Variants in ZBTB7C observed in about 807,000 individuals in gnomAD.
ZBTB7C encodes the protein zinc finger and BTB domain containing 7C.
ZBTB7C carries 8 observed loss-of-function variants against 25.7 expected under a neutral mutation model. The observed-to-expected ratio is 0.31, with a 90% CI of 0.18 to 0.56. The LOEUF (loss-of-function observed/expected upper bound fraction) is 0.56, where lower values mean the gene tolerates loss of function less well. Among genes scored for constraint, ZBTB7C ranks in the 20% least tolerant of loss-of-function variants. The pLI is 0.91. For synonymous variants in ZBTB7C, 394 were observed against 369.0 expected, an observed-to-expected ratio of 1.07 and a Z score of -0.78; for missense variants, 824 against 855.2, an observed-to-expected ratio of 0.96 and a Z score of 0.46.
chr18:48,181,436 C>A (rs988825216), intron 3 of ZBTB7C, among the ~76,000 whole-genome samples: 19 of 152,186 alleles, frequency 1.2e-4, no homozygotes, highest in African/African-American at 4.3e-4. Context: ...ATCAAAGGTA[C>A]AGCCACTATC....
chr18:48,282,928 A>C (rs1320905227), intron 2 of ZBTB7C, among the ~76,000 whole-genome samples: 1 of 152,228 alleles, frequency 6.6e-6, no homozygotes, highest in African/African-American at 2.4e-5. Context: ...TTTAGATGCT[A>C]GGCTCATGAG....
chr18:48,043,640 G>A (rs1253294012), intron 3 of ZBTB7C, among the ~76,000 whole-genome samples: 1 of 152,178 alleles, frequency 6.6e-6, no homozygotes, highest in Non-Finnish European at 1.5e-5. Context: ...AGGGATACTT[G>A]TGATGGAAAT....
intron 3 of ZBTB7C, among the ~76,000 whole-genome samples, chr18:48,113,852 CA>C (rs748202372): frequency 1.3e-5 from 2 of 152,244 alleles, no homozygotes; most frequent in Admixed American, 6.5e-5. Flanking sequence ...GCAGGCTACA[CA>C]CTAGTGCACA....
At chr18:48,365,324 C>A (rs1441686605) in intron 1 of ZBTB7C, among the ~76,000 whole-genome samples, 1 of 152,302 alleles carries the variant, frequency 6.6e-6, no homozygotes, top group South Asian at 2.1e-4. Context: ...CAGATAGCAT[C>A]CTGGGGAACA....
chr18:48,151,398 G>C (rs947125341), intron 3 of ZBTB7C, among the ~76,000 whole-genome samples: 1 of 152,152 alleles, frequency 6.6e-6, no homozygotes, highest in Non-Finnish European at 1.5e-5. Flanking sequence ...AAGGATGAAA[G>C]GGGGTATGAA....
intron 2 of ZBTB7C, among the ~76,000 whole-genome samples, chr18:48,193,032 C>T (rs2042233536): frequency 1.3e-5 from 2 of 152,188 alleles, no homozygotes; most frequent in Non-Finnish European, 2.9e-5. Flanking sequence ...CACTGAGTCC[C>T]CACTGGACTC....
chr18:48,062,039 A>C (rs1269468907), intron 3 of ZBTB7C, among the ~76,000 whole-genome samples: 11 of 152,214 alleles, frequency 7.2e-5, no homozygotes. Flanking sequence ...AGAAGGACAA[A>C]GTGCTAAACC....
intron 3 of ZBTB7C, among the ~76,000 whole-genome samples, chr18:48,094,154 G>A (rs926526270): frequency 1.3e-5 from 2 of 152,226 alleles, no homozygotes; most frequent in Admixed American, 1.3e-4. Context: ...TCTGGCTACT[G>A]TTCAACTGCT....
chr18:48,185,234 A>C (rs1033229360), intron 3 of ZBTB7C: 1 of 390,852 alleles, frequency 2.6e-6, no homozygotes, highest in Non-Finnish European at 5.0e-6. Flanking sequence ...GTCCAGTTCA[A>C]GCCTCTCCTT....
rs533122558 is a variant in ZBTB7C, at chr18:48,154,692, G to A, written c.-17+31242C>T. On this transcript the variant is annotated intron_variant, in intron 3 of 4. Transcript: ENST00000590800. ...TATAAAGGCAGTTTTTTTACCCTGT[G>A]TTCTTCACTAGCCATTTTATAGTGA... Among the ~76,000 whole-genome samples, 4 of 152,274 alleles carry A rather than the reference G, an allele frequency of 2.6e-5. No homozygotes were observed. In the South Asian group the frequency reaches 8.3e-4, roughly 32 times the overall value.
intron 2 of ZBTB7C, among the ~76,000 whole-genome samples, chr18:48,213,309 C>T (rs1332034292): frequency 2.0e-5 from 3 of 152,220 alleles, no homozygotes; most frequent in Non-Finnish European, 4.4e-5. Flanking sequence ...CGCAAACCCT[C>T]CAGTGTCTGG....
At chr18:48,258,699 C>A (rs2044087733) in intron 2 of ZBTB7C, among the ~76,000 whole-genome samples, 1 of 152,078 alleles carries the variant, frequency 6.6e-6, no homozygotes, top group African/African-American at 2.4e-5. Flanking sequence ...GCTCTGTCAC[C>A]CAGGCTAGAG....
chr18:48,392,756 G>A (rs1055863751), intron 1 of ZBTB7C, among the ~76,000 whole-genome samples: 3 of 152,354 alleles, frequency 2.0e-5, no homozygotes, highest in African/African-American at 7.2e-5. Context: ...GGAGGGAAGT[G>A]CTTTGCAAGA....
At chr18:48,306,257 T>G (rs1357627516) in intron 2 of ZBTB7C, among the ~76,000 whole-genome samples, 1 of 152,152 alleles carries the variant, frequency 6.6e-6, no homozygotes, top group Non-Finnish European at 1.5e-5. Context: ...CCCACTGTGA[T>G]CATTAACACC....
intron 2 of ZBTB7C, among the ~76,000 whole-genome samples, chr18:48,327,754 A>G (rs1056875330): frequency 2.6e-5 from 4 of 152,156 alleles, no homozygotes; most frequent in Admixed American, 2.6e-4. Flanking sequence ...TTATTGGAGG[A>G]GGAGGGGGGC....
chr18:48,360,326 C>T (rs193083162), intron 1 of ZBTB7C, among the ~76,000 whole-genome samples: 7 of 152,290 alleles, frequency 4.6e-5, no homozygotes, highest in Admixed American at 4.6e-4. Flanking sequence ...CCTGCAGAGT[C>T]AACAGTTGAG....
chr18:48,250,874 A>G (rs2043834165), intron 2 of ZBTB7C, among the ~76,000 whole-genome samples: 1 of 151,604 alleles, frequency 6.6e-6, no homozygotes, highest in South Asian at 2.1e-4. Flanking sequence ...GAATTAACCC[A>G]CTAATGCTTC....
At chr18:48,190,338 C>T (rs540553849) in intron 2 of ZBTB7C, among the ~76,000 whole-genome samples, 20 of 152,296 alleles carry the variant, frequency 1.3e-4, no homozygotes, top group African/African-American at 4.3e-4. Context: ...TATTTTCCCA[C>T]GTATGTATCA....
intron 3 of ZBTB7C, among the ~76,000 whole-genome samples, chr18:48,157,735 T>C (rs2040879601): frequency 6.6e-6 from 1 of 152,184 alleles, no homozygotes; most frequent in African/African-American, 2.4e-5. Flanking sequence ...GCTGAGTGGA[T>C]TACCTGAGCT....
Sources: gnomAD v4.1 joint callset for allele counts (sites outside exome capture counted in the v4.1 genomes callset) on GRCh38, gnomAD v4.1.1 for gene constraint, MANE v1.5 for transcripts, NCBI Gene and HGNC (gene_info 2026-07-23, HGNC 2026-07-21) for gene names.